SNTG2: variants seen among roughly 807,000 people sequenced by gnomAD.
The protein encoded by SNTG2 is syntrophin gamma 2.
SNTG2 carries 74 observed loss-of-function variants against 70.9 expected under a neutral mutation model. The ratio of observed to expected loss-of-function variants is 1.04; its 90% CI spans 0.86 to 1.27. The LOEUF is 1.27. Among genes scored for constraint, SNTG2 ranks in the 50% most tolerant of loss-of-function variants. The pLI is 0.00. For missense variants in SNTG2, 717 were observed against 690.7 expected (o/e 1.04, Z -0.43); for synonymous variants, 278 against 273.8 (o/e 1.02, Z -0.15).
chr2:1,050,225 A>G (rs184248464), intron 1 of SNTG2, among the ~76,000 whole-genome samples: 1 of 152,272 alleles, frequency 6.6e-6, no homozygotes, highest in East Asian at 1.9e-4. Context: ...TCAATTGCTA[A>G]TTTACAATTA....
intron 1 of SNTG2, among the ~76,000 whole-genome samples, chr2:975,678 A>T (rs912539422): frequency 4.3e-4 from 65 of 152,252 alleles, no homozygotes; most frequent in Middle Eastern, 3.2e-3. Context: ...TAAACAAAAA[A>T]ATCTAAGCAT....
chr2:1,150,647 C>G (rs999525311), intron 6 of SNTG2, among the ~76,000 whole-genome samples: 1 of 152,126 alleles, frequency 6.6e-6, no homozygotes, highest in Non-Finnish European at 1.5e-5. Context: ...AAAGGGGCAT[C>G]CTGTGAAGTT....
intron 1 of SNTG2, among the ~76,000 whole-genome samples, chr2:1,034,000 C>T (rs1052430554): frequency 6.6e-6 from 1 of 151,634 alleles, no homozygotes; most frequent in Non-Finnish European, 1.5e-5. Context: ...ATATTTTTAA[C>T]TTTTATGTTT....
intron 1 of SNTG2, among the ~76,000 whole-genome samples, chr2:955,363 A>G (rs1270890540): frequency 6.6e-6 from 1 of 152,250 alleles, no homozygotes; most frequent in Non-Finnish European, 1.5e-5. Context: ...TATAAAAACA[A>G]TCACATAGAA....
At chr2:1,103,813 G>A (rs1359292875) in intron 4 of SNTG2, among the ~76,000 whole-genome samples, 3 of 152,172 alleles carry the variant, frequency 2.0e-5, no homozygotes, top group Admixed American at 1.3e-4. Flanking sequence ...GTTAACAAAC[G>A]TTATAGACCC....
intron 6 of SNTG2, among the ~76,000 whole-genome samples, chr2:1,161,870 C>G (rs987983400): frequency 5.3e-5 from 8 of 151,998 alleles, no homozygotes; most frequent in South Asian, 4.2e-4. Flanking sequence ...GTCAGGAGAT[C>G]GAGACCATCC....
intron 1 of SNTG2, among the ~76,000 whole-genome samples, chr2:1,073,161 A>C (rs1282937016): frequency 6.6e-6 from 1 of 152,254 alleles, no homozygotes; most frequent in Non-Finnish European, 1.5e-5. Flanking sequence ...ACACAGTGGC[A>C]GGGTTTAAGA....
intron 4 of SNTG2, among the ~76,000 whole-genome samples, chr2:1,126,336 A>G (rs1667697555): frequency 6.6e-6 from 1 of 152,236 alleles, no homozygotes; most frequent in African/African-American, 2.4e-5. Flanking sequence ...GTGTGGCTGA[A>G]TAGTGCTCCA....
chr2:1,257,557 A>G (rs540310694), intron 12 of SNTG2, among the ~76,000 whole-genome samples: 30 of 152,356 alleles, frequency 2.0e-4, no homozygotes, highest in Admixed American at 4.6e-4. Flanking sequence ...TGCGAACAAC[A>G]AAGAGCACAG....
intron 2 of SNTG2, among the ~76,000 whole-genome samples, chr2:1,095,051 G>T (rs1665298257): frequency 6.6e-6 from 1 of 152,094 alleles, no homozygotes; most frequent in Non-Finnish European, 1.5e-5. Flanking sequence ...GAGACAGCGA[G>T]GTGGGGGTGG....
chr2:984,773 C>T (rs749062680), intron 1 of SNTG2, among the ~76,000 whole-genome samples: 1 of 152,226 alleles, frequency 6.6e-6, no homozygotes, highest in African/African-American at 2.4e-5. Context: ...GGGTAACAGA[C>T]GTCCAGGTGC....
chr2:991,407 A>ACACACACACACT lies in SNTG2; in HGVS notation c.72+40339_72+40340insCACACACACACT, dbSNP rs1553305482. Among the ~76,000 whole-genome samples the ACACACACACACT allele has an allele frequency of 8.0e-4, 121 of 151,236 alleles. 1 individual carries two copies. Among genetic ancestry groups the ACACACACACACT allele is most frequent in the Non-Finnish European group, 1.1e-3 (74 of 67,786 alleles). ...CACACACACACACACACACACACACAATTATGACTTTAATTCTAGAATGAC... is the reference window on the plus strand; with the variant it reads ...CACACACACACACACACACACACACACACACACACACTATTATGACTTTAATTCTAGAATGAC... On this transcript the variant is annotated intron_variant, in intron 1 of 16. Coordinates refer to ENST00000308624, the MANE Select transcript of SNTG2 (RefSeq NM_018968.4).
At chr2:1,281,746 C>T (rs1679556720) in intron 14 of SNTG2, among the ~76,000 whole-genome samples, 1 of 152,140 alleles carries the variant, frequency 6.6e-6, no homozygotes, top group Non-Finnish European at 1.5e-5. Flanking sequence ...AATTGCACCT[C>T]AGGAGACAGC....
intron 6 of SNTG2, among the ~76,000 whole-genome samples, chr2:1,154,895 G>C (rs28576374): frequency 7.4e-6 from 1 of 135,416 alleles, no homozygotes; most frequent in African/African-American, 2.8e-5. Context: ...CACACACAAA[G>C]ACACATACCA....
intron 1 of SNTG2, among the ~76,000 whole-genome samples, chr2:961,848 T>C (rs1436127294): frequency 6.6e-6 from 1 of 152,118 alleles, no homozygotes; most frequent in African/African-American, 2.4e-5. Flanking sequence ...ACACTTCATG[T>C]GAAGCTGCTG....
intron 1 of SNTG2, among the ~76,000 whole-genome samples, chr2:958,885 C>T (rs191012264): frequency 1.4e-4 from 21 of 152,000 alleles, no homozygotes; most frequent in Admixed American, 6.5e-4. Flanking sequence ...TGGGATAGTA[C>T]GATATCTAAA....
chr2:1,174,289 CAT>C (rs10563978), intron 8 of SNTG2, among the ~76,000 whole-genome samples: 29,264 of 149,164 alleles, frequency 0.2, 3,222 homozygotes, highest in African/African-American at 0.32. Context: ...AAGTTTTATC[CAT>C]ATATATATAT....
intron 8 of SNTG2, among the ~76,000 whole-genome samples, chr2:1,175,040 TTCTTA>T (rs1233317109): frequency 8.5e-5 from 13 of 152,220 alleles, no homozygotes; most frequent in East Asian, 1.9e-4. Context: ...CAAGAAATCT[TTCTTA>T]TCTTAAGTTC....
chr2:1,240,769 A>G (rs1470423560), intron 11 of SNTG2, among the ~76,000 whole-genome samples: 1 of 152,230 alleles, frequency 6.6e-6, no homozygotes, highest in African/African-American at 2.4e-5. Flanking sequence ...ACATTAGAAA[A>G]GAAACACTAA....
Sources: allele counts gnomAD v4.1 joint callset (sites outside exome capture counted in the v4.1 genomes callset), GRCh38; gene constraint gnomAD v4.1.1; transcripts MANE v1.5; gene names NCBI Gene and HGNC (gene_info 2026-07-23, HGNC 2026-07-21).